PAPOLB: variants seen among roughly 807,000 people sequenced by gnomAD.
PAPOLB encodes the protein PAP-beta.
A neutral mutation model predicts 23.2 loss-of-function variants in PAPOLB; 19 were observed. The ratio of observed to expected loss-of-function variants is 0.82; its 90% CI spans 0.57 to 1.20. The LOEUF (loss-of-function observed/expected upper bound fraction) is 1.20. PAPOLB is among the 50% of genes most tolerant of loss of function. PAPOLB has a pLI of 0.00. For synonymous variants in PAPOLB, 360 were observed against 290.7 expected, an observed-to-expected ratio of 1.24 and a Z score of -2.43; for missense variants, 822 against 776.8, an observed-to-expected ratio of 1.06 and a Z score of -0.69.
At position 4,860,057 on chromosome 7, in the gene PAPOLB, C is replaced by G. The variant is rs1240981485; in HGVS notation, c.1754G>C (p.Ser585Thr). Residue 585 changes from serine to threonine, a missense_variant, in exon 1 of 1, where the codon AGT becomes ACT. Ser to Thr is a moderately conservative substitution (Grantham distance 58). Coordinates refer to ENST00000404991, the MANE Select transcript of PAPOLB (RefSeq NM_020144.5). ...ACTTTCGTTTAATGCAACCCCTGAA[C>G]TTTCATTGGTATTCACCTGTTGCAA... ...FSLQQVNTNE[S>T]SGVALNESIP... The G allele has an allele frequency of 1.2e-6, 2 of 1,614,036 alleles. No individual in the cohort carries two copies. The highest frequency in any genetic ancestry group is 1.7e-6 in the Non-Finnish European group (2 of 1,179,884).
In PAPOLB at chr7:4,861,505, G is replaced by T. The variant is rs770891332; in HGVS notation, c.306C>A (p.Gly102=). 1 of 1,614,090 alleles carries T rather than the reference G, an allele frequency of 6.2e-7. No homozygotes were observed. The highest frequency in any genetic ancestry group is 2.2e-5 in the East Asian group (1 of 44,884). The part of the protein sequence containing the change: ...ENVGGKIFTF[G]SYRLGVHTKG... ...TCGTATGTACTCCTAATCTGTAAGA[G>T]CCAAACGTAAAAATCTTTCCTCCAA... The change falls in exon 1 of 1, where the codon GGC becomes GGA. Residue 102 remains glycine, a synonymous_variant. Transcript: ENST00000404991.
In PAPOLB at chr7:4,860,442, G is replaced by T; in HGVS notation, c.1369C>A (p.Leu457Ile). 1.2e-6 allele frequency: 2 copies of T among 1,614,160 alleles called. No individual in the cohort carries two copies. Among genetic ancestry groups the T allele is most frequent in the Non-Finnish European group, 1.7e-6 (2 of 1,179,992 alleles). ...PDNSEILSID[L>I]TYDIQSFTDT... The stretch of plus-strand genomic sequence containing the variant: ...GTGAAAGACTGGATATCATAGGTGA[G>T]ATCAATGCTGAGAATTTCAGAATTA... The change falls in exon 1 of 1, where the codon CTC (leucine) becomes ATC (isoleucine). Residue 457 changes from leucine (L) to isoleucine (I), a missense_variant. Coordinates refer to ENST00000404991, the MANE Select transcript of PAPOLB (RefSeq NM_020144.5).
Position 4,859,043 on chromosome 7 carries a change from TCAAAAC to T in PAPOLB, c.*848_*853del, listed in dbSNP as rs1029984353. 5.3e-5 allele frequency: 8 copies of T among 152,308 alleles called. No homozygotes were observed. Among genetic ancestry groups the T allele is most frequent in the Middle Eastern group, 6.8e-3 (2 of 294 alleles). 9.4% of individuals were successfully genotyped at this position (152,308 alleles called of 1,614,324 possible). A position where few individuals can be genotyped will look rare whatever the true frequency, so the allele number is the denominator to read the frequency against. On this transcript the variant is annotated 3_prime_UTR_variant, in exon 1 of 1. Transcript: ENST00000404991. ...TGTGTCCTTTCTCCATAGTGTGCCA[TCAAAAC>T]CAAAGACCTACTAATGGTTGATGTC...
At position 4,861,463 on chromosome 7, in the gene PAPOLB, G is replaced by A. The variant is rs370453666; in HGVS notation, c.348C>T (p.Asp116=). 1.1e-5 allele frequency: 17 copies of A among 1,614,072 alleles called. No individual in the cohort carries two copies. The highest frequency in any genetic ancestry group is 1.0e-4 in the Admixed American group (6 of 60,016). ...LGVHTKGADI[D]ALCVAPSHVD... ...CATGACTTGGTGCAACGCACAAGGCGTCAATATCTGCGCCTTTCGTATGTA... is the reference window on the plus strand; with the variant it reads ...CATGACTTGGTGCAACGCACAAGGCATCAATATCTGCGCCTTTCGTATGTA... The change falls in exon 1 of 1, where the codon GAC becomes GAT. Residue 116 remains aspartate (D), a synonymous_variant. Coordinates refer to ENST00000404991, the MANE Select transcript of PAPOLB (RefSeq NM_020144.5).
At position 4,858,964 on chromosome 7, in the gene PAPOLB, A is replaced by G. The variant is rs765386635; in HGVS notation, c.*933T>C. Reference sequence around the variant, plus strand: ...GAGAATATGGAGCTTTGATAGCTCAAAGAAAATGTTTGATTGCTAATTACT... The same window carrying G: ...GAGAATATGGAGCTTTGATAGCTCAGAGAAAATGTTTGATTGCTAATTACT... On this transcript the variant is annotated 3_prime_UTR_variant, in exon 1 of 1. Transcript: ENST00000404991. The G allele has an allele frequency of 6.6e-6, 1 of 152,244 alleles. No individual in the cohort carries two copies. The highest frequency in any genetic ancestry group is 2.4e-5 in the African/African-American group (1 of 41,466). 9.4% of individuals were successfully genotyped at this position (152,244 alleles called of 1,614,324 possible).
rs1175791472 is a variant in PAPOLB at position 4,860,342 on chromosome 7, C to A, written c.1469G>T (p.Arg490Ile). The change falls in exon 1 of 1, where the codon AGA becomes ATA. Residue 490 changes from arginine (R) to isoleucine (I), a missense_variant. Physicochemically the swap from Arg to Ile is moderately conservative, Grantham distance 97 (BLOSUM62 -3). This residue lies in a region of PAPOLB where 534 missense variants were observed against 502.8 expected (regional missense o/e 1.06). Transcript: ENST00000404991. ...CAGCAGCTGGTGAAGTTCCTTTCTT[C>A]TTAAATGCATTGCAGTAATTTTCAT... Reference protein sequence around the residue: ...MGMKITAMHLRRKELHQLLPH... With the variant: ...MGMKITAMHLIRKELHQLLPH... The A allele has an allele frequency of 6.2e-7, 1 of 1,613,872 alleles. No individual in the cohort carries two copies. The highest frequency in any genetic ancestry group is 1.3e-5 in the African/African-American group (1 of 74,932).
Position 4,858,815 on chromosome 7 carries a change from G to A in PAPOLB, c.*1082C>T, listed in dbSNP as rs1254481438. The A allele has an allele frequency of 1.3e-5, 2 of 152,224 alleles. No individual in the cohort carries two copies. Among genetic ancestry groups the A allele is most frequent in the East Asian group, 1.9e-4 (1 of 5,202 alleles). The allele number at this position is 152,224 out of a possible 1,614,324, so 9.4% of individuals were successfully genotyped here. On this transcript the variant is annotated 3_prime_UTR_variant, in exon 1 of 1. Transcript: ENST00000404991. ...CACAGGATTGTCAGTTTCACATCAT[G>A]GTTTAGAGAATATTATTCCTTTTTT...
In PAPOLB at chr7:4,860,090, T is replaced by C. The variant is rs756393004; in HGVS notation, c.1721A>G (p.Glu574Gly). 11 of 1,613,918 alleles carry C rather than the reference T, an allele frequency of 6.8e-6. No individual in the cohort carries two copies. The highest frequency in any genetic ancestry group is 4.0e-5 in the African/African-American group (3 of 74,942). Reference protein sequence around the residue: ...TASVANIQATEFSLQQVNTNE... With the variant: ...TASVANIQATGFSLQQVNTNE... ...GGTATTCACCTGTTGCAAGGAAAAT[T>C]CAGTAGCCTGTATGTTAGCCACAGA... Residue 574 changes from glutamate to glycine, a missense_variant, in exon 1 of 1, where the codon GAA becomes GGA. Coordinates refer to ENST00000404991, the MANE Select transcript of PAPOLB (RefSeq NM_020144.5).
rs1783885725 is a variant in PAPOLB at position 4,858,318 on chromosome 7, A to G, written c.*1579T>C. On this transcript the variant is annotated 3_prime_UTR_variant, in exon 1 of 1. Coordinates refer to ENST00000404991, the MANE Select transcript of PAPOLB (RefSeq NM_020144.5). ...GCAAGGCTAATTGGAAAGCCTGTTA[A>G]GTTTGCTGTCTAGATTAAGAAAGAC... The G allele has an allele frequency of 6.6e-6, 1 of 152,210 alleles. No homozygotes were observed. Among genetic ancestry groups the G allele is most frequent in the Admixed American group, 6.5e-5 (1 of 15,280 alleles). The allele number at this position is 152,210 out of a possible 1,614,324, so 9.4% of individuals were successfully genotyped here. A position where few individuals can be genotyped will look rare whatever the true frequency, so the allele number is the denominator to read the frequency against.
Position 4,860,729 on chromosome 7 carries a change from T to C in PAPOLB, c.1082A>G (p.Lys361Arg). The C allele has an allele frequency of 6.2e-7, 1 of 1,614,140 alleles. No individual in the cohort carries two copies. Among genetic ancestry groups the C allele is most frequent in the Non-Finnish European group, 8.5e-7 (1 of 1,179,984 alleles). ...AAAGAAGCTTGGAGCTTCAAAGAGTTTGGACCACTCTGCCTTACTTAGCAA... is the reference window on the plus strand; with the variant it reads ...AAAGAAGCTTGGAGCTTCAAAGAGTCTGGACCACTCTGCCTTACTTAGCAA... The part of the protein sequence containing the change: ...EILLSKAEWS[K>R]LFEAPSFFQK... The change falls in exon 1 of 1, where the codon AAA (lysine) becomes AGA (arginine). Residue 361 changes from lysine (K) to arginine (R), a missense_variant. Coordinates refer to ENST00000404991, the MANE Select transcript of PAPOLB (RefSeq NM_020144.5).
rs764648894 is a variant in PAPOLB, at chr7:4,861,530, A to G, written c.281T>C (p.Val94Ala). Residue 94 changes from valine (V) to alanine (A), a missense_variant, in exon 1 of 1, where the codon GTT (valine) becomes GCT (alanine). This residue lies in a region of PAPOLB where 276 missense variants were observed against 243.9 expected (regional missense o/e 1.13). Transcript: ENST00000404991. ...GCCAAACGTAAAAATCTTTCCTCCA[A>G]CGTTTTCAATTACAGACTGGGGAAG... is the stretch of plus-strand genomic sequence containing the variant. ...KSLPQSVIEN[V>A]GGKIFTFGSY... 21 of 1,614,036 alleles carry G rather than the reference A, an allele frequency of 1.3e-5. No homozygotes were observed. The highest frequency in any genetic ancestry group is 1.8e-5 in the Non-Finnish European group (21 of 1,179,906).
Position 4,859,363 on chromosome 7 carries a change from A to G in PAPOLB, c.*534T>C, listed in dbSNP as rs1783914532. ...ATATTTTCCCAACAATGCATCAAGC[A>G]TAAATCCAGTCCAGATGTCAGTCAC... On this transcript the variant is annotated 3_prime_UTR_variant, in exon 1 of 1. Transcript: ENST00000404991. 6.5e-6 allele frequency: 1 copy of G among 153,694 alleles called. No homozygotes were observed. Among genetic ancestry groups the G allele is most frequent in the African/African-American group, 2.4e-5 (1 of 41,474 alleles). 9.5% of individuals were successfully genotyped at this position (153,694 alleles called of 1,614,324 possible). A position where few individuals can be genotyped will look rare whatever the true frequency, so the allele number is the denominator to read the frequency against.
At position 4,861,352 on chromosome 7, in the gene PAPOLB, T is replaced by G; in HGVS notation, c.459A>C (p.Ala153=). ...AACACAGTTTGATAACTGGCACAAA[T>G]GCCTCCTCGACAGCCCTTAAATCTT... The part of the protein sequence containing the change: ...EVKDLRAVEE[A]FVPVIKLCFD... The change falls in exon 1 of 1, where the codon GCA becomes GCC. Residue 153 remains alanine (A), a synonymous_variant. Coordinates refer to ENST00000404991, the MANE Select transcript of PAPOLB (RefSeq NM_020144.5). 2 of 1,614,110 alleles carry G rather than the reference T, an allele frequency of 1.2e-6. No individual in the cohort carries two copies. The highest frequency in any genetic ancestry group is 1.7e-6 in the Non-Finnish European group (2 of 1,179,942).
At position 4,860,289 on chromosome 7, in the gene PAPOLB, C is replaced by T; in HGVS notation, c.1522G>A (p.Ala508Thr). Residue 508 changes from alanine to threonine, a missense_variant, in exon 1 of 1, where the codon GCA becomes ACA. Transcript: ENST00000404991. ...LPHHVLQDKK[A>T]HSTEGRRLTD... is the part of the protein sequence containing the mutation. ...AATCTTCTACCTTCTGTTGAGTGTG[C>T]TTTCTTGTCCTGAAGCACATGATGA... The T allele has an allele frequency of 6.2e-7, 1 of 1,613,898 alleles. No individual in the cohort carries two copies. Among genetic ancestry groups the T allele is most frequent in the Non-Finnish European group, 8.5e-7 (1 of 1,179,820 alleles).
Position 4,860,698 on chromosome 7 carries a change from CT to C in PAPOLB, c.1112del (p.Lys371SerfsTer19). ...CCAGAAGTACAATATAATGCTTGTACTTTTGAAAGAAGCTTGGAGCTTCAAA... is the reference window on the plus strand; with the variant it reads ...CCAGAAGTACAATATAATGCTTGTACTTTGAAAGAAGCTTGGAGCTTCAAA... ...KLFEAPSFFQKYKHYIVLLAS... is the reference protein window; with the variant it reads ...KLFEAPSFFQXYKHYIVLLAS... On this transcript the variant is annotated frameshift_variant, in exon 1 of 1. Coordinates refer to ENST00000404991, the MANE Select transcript of PAPOLB (RefSeq NM_020144.5). 6.2e-7 allele frequency: 1 copy of C among 1,614,142 alleles called. No individual in the cohort carries two copies. The highest frequency in any genetic ancestry group is 1.3e-5 in the African/African-American group (1 of 75,036).
In PAPOLB at chr7:4,861,770, GGCT is replaced by G; in HGVS notation, c.38_40del (p.Gln13del). ...GCCGTAGCGATTCGGCGGCGGCGCC[GGCT>G]GCGGTGGTCCCTGGGTTGTCACCGG... is the stretch of plus-strand genomic sequence containing the variant. On this transcript the variant is annotated inframe_deletion, in exon 1 of 1. Transcript: ENST00000404991. The G allele has an allele frequency of 6.7e-7, 1 of 1,485,872 alleles. No homozygotes were observed. Among genetic ancestry groups the G allele is most frequent in the Admixed American group, 2.5e-5 (1 of 40,186 alleles). The allele number at this position is 1,485,872 out of a possible 1,614,324, so 92.0% of individuals were successfully genotyped here.
Position 4,861,985 on chromosome 7 carries a change from G to T in PAPOLB, c.-175C>A. The T allele has an allele frequency of 2.2e-6, 1 of 451,520 alleles. No individual in the cohort carries two copies. 28.0% of individuals were successfully genotyped at this position (451,520 alleles called of 1,614,324 possible). A position where few individuals can be genotyped will look rare whatever the true frequency, so the allele number is the denominator to read the frequency against. ...CAGGAGCTTCTCCTCCTTCCCCTCAGCCCCAACATGGCGCCAGACCCCTCA... is the reference window on the plus strand; with the variant it reads ...CAGGAGCTTCTCCTCCTTCCCCTCATCCCCAACATGGCGCCAGACCCCTCA... On this transcript the variant is annotated 5_prime_UTR_variant, in exon 1 of 1. The change creates a new upstream start codon in the 5' untranslated region. Transcript: ENST00000404991.
At position 4,858,104 on chromosome 7, in the gene PAPOLB, A is replaced by C. The variant is rs1003974354; in HGVS notation, c.*1793T>G. On this transcript the variant is annotated 3_prime_UTR_variant, in exon 1 of 1. Coordinates refer to ENST00000404991, the MANE Select transcript of PAPOLB (RefSeq NM_020144.5). Reference sequence around the variant, plus strand: ...GATTTATTATTGTGGTGAAACGGCAAAGATGTGAGAAAAAGAAATACTGTG... The same window carrying C: ...GATTTATTATTGTGGTGAAACGGCACAGATGTGAGAAAAAGAAATACTGTG... 6.6e-6 allele frequency: 1 copy of C among 152,546 alleles called. No homozygotes were observed. Among genetic ancestry groups the C allele is most frequent in the African/African-American group, 2.4e-5 (1 of 41,470 alleles). 9.4% of individuals were successfully genotyped at this position (152,546 alleles called of 1,614,324 possible). A position where few individuals can be genotyped will look rare whatever the true frequency, so the allele number is the denominator to read the frequency against.
rs958953735 is a variant in PAPOLB, at chr7:4,858,612, T to A, written c.*1285A>T. 6.6e-6 allele frequency: 1 copy of A among 152,638 alleles called. No individual in the cohort carries two copies. The highest frequency in any genetic ancestry group is 2.4e-5 in the African/African-American group (1 of 41,462). 9.5% of individuals were successfully genotyped at this position (152,638 alleles called of 1,614,324 possible). On this transcript the variant is annotated 3_prime_UTR_variant, in exon 1 of 1. Coordinates refer to ENST00000404991, the MANE Select transcript of PAPOLB (RefSeq NM_020144.5). ...AATGCCTTTTTGCTTATGTGTGCAA[T>A]TGGAAATTAACTTTCCTATAAGGAG...
Sources: allele counts gnomAD v4.1 joint callset, GRCh38; gene constraint gnomAD v4.1.1; regional missense constraint gnomAD v4.1.1; transcripts MANE v1.5; gene names NCBI Gene and HGNC (gene_info 2026-07-23, HGNC 2026-07-21).